SH3BGRL2: variants seen among roughly 807,000 people sequenced by gnomAD.
SH3BGRL2 encodes SH3 domain-binding glutamic acid-rich-like protein 2.
A neutral mutation model predicts 14.8 loss-of-function variants in SH3BGRL2; 21 were observed. The ratio of observed to expected loss-of-function variants is 1.42; its 90% CI spans 1.01 to 2.05. SH3BGRL2 has a LOEUF of 2.05. Among genes scored for constraint, SH3BGRL2 ranks in the 30% most tolerant of loss-of-function variants. SH3BGRL2 has a pLI of 0.00. For synonymous variants in SH3BGRL2, 50 were observed against 47.8 expected, an observed-to-expected ratio of 1.05 and a Z score of -0.19; for missense variants, 147 against 130.8, an observed-to-expected ratio of 1.12 and a Z score of -0.61.
At chr6:79,577,317 C>T in the SH3BGRL2 span, among the ~76,000 whole-genome samples, 2 of 149,726 alleles carry the variant, frequency 1.3e-5, no homozygotes, top group Non-Finnish European at 3.0e-5. Flanking sequence ...AAGTTCTTCT[C>T]CTTTTTTCTC....
At chr6:79,565,626 C>T in the SH3BGRL2 span, among the ~76,000 whole-genome samples, 9 of 152,146 alleles carry the variant, frequency 5.9e-5, no homozygotes, top group South Asian at 1.9e-3. Context: ...TTTTTCTGAG[C>T]ATTGCATTAG....
chr6:79,552,889 G>A, the SH3BGRL2 span: 2 of 152,162 alleles, frequency 1.3e-5, no homozygotes, highest in Non-Finnish European at 2.9e-5. Context: ...TGGTATTCAT[G>A]TTAAGTTAGA....
chr6:79,604,189 T>G, the SH3BGRL2 span, among the ~76,000 whole-genome samples: 1 of 152,280 alleles, frequency 6.6e-6, no homozygotes, highest in Non-Finnish European at 1.5e-5. Flanking sequence ...CTTCACTCAG[T>G]TCTTCTTTGT....
chr6:79,546,945 G>T, the SH3BGRL2 span, among the ~76,000 whole-genome samples: 1 of 152,152 alleles, frequency 6.6e-6, no homozygotes, highest in Non-Finnish European at 1.5e-5. Flanking sequence ...CTCCCAAAGT[G>T]CTGGGACCAC....
chr6:79,559,623 C>G, the SH3BGRL2 span, among the ~76,000 whole-genome samples: 1 of 152,150 alleles, frequency 6.6e-6, no homozygotes, highest in Admixed American at 6.5e-5. Context: ...AAATGCTATA[C>G]AGGACATGAT....
At chr6:79,602,218 G>A in the SH3BGRL2 span, among the ~76,000 whole-genome samples, 22 of 152,178 alleles carry the variant, frequency 1.4e-4, no homozygotes, top group Admixed American at 1.3e-3. Context: ...AAAACGGTCT[G>A]TGCCCTCATA....
At chr6:79,547,661 T>A in the SH3BGRL2 span, among the ~76,000 whole-genome samples, 1 of 152,120 alleles carries the variant, frequency 6.6e-6, no homozygotes, top group African/African-American at 2.4e-5. Flanking sequence ...AGAAATGAGA[T>A]TGAAGTTTTA....
chr6:79,585,766 CTT>C, the SH3BGRL2 span, among the ~76,000 whole-genome samples: 3 of 147,186 alleles, frequency 2.0e-5, no homozygotes, highest in East Asian at 5.9e-4. Flanking sequence ...TACTTTTTTG[CTT>C]TTTTTTTTTC....
the SH3BGRL2 span, among the ~76,000 whole-genome samples, chr6:79,565,223 T>C: frequency 1.3e-5 from 2 of 152,180 alleles, no homozygotes; most frequent in African/African-American, 2.4e-5. Context: ...CTCTTGGGAT[T>C]TGGAAAAGAG....
At chr6:79,613,336 A>G in the SH3BGRL2 span, among the ~76,000 whole-genome samples, 1 of 152,240 alleles carries the variant, frequency 6.6e-6, no homozygotes, top group Non-Finnish European at 1.5e-5. Flanking sequence ...TGTCTGAAAT[A>G]GGAAAGTCAT....
At chr6:79,602,568 C>T in the SH3BGRL2 span, among the ~76,000 whole-genome samples, 1 of 152,024 alleles carries the variant, frequency 6.6e-6, no homozygotes, top group South Asian at 2.1e-4. Flanking sequence ...AAGTAAGAGC[C>T]CACTGAGATA....
the SH3BGRL2 span, among the ~76,000 whole-genome samples, chr6:79,604,841 T>A: frequency 6.6e-6 from 1 of 152,204 alleles, no homozygotes; most frequent in Non-Finnish European, 1.5e-5. Flanking sequence ...TTTGAGCAGA[T>A]GCCATAATAG....
chr6:79,670,141 A>G (rs535027675), intron 1 of SH3BGRL2, among the ~76,000 whole-genome samples: 1 of 152,270 alleles, frequency 6.6e-6, no homozygotes, highest in East Asian at 1.9e-4. Flanking sequence ...TGGTGTTTAT[A>G]TTTCATATAA....
intron 1 of SH3BGRL2, among the ~76,000 whole-genome samples, chr6:79,650,016 C>CAG (rs1562147302): frequency 2.7e-5 from 4 of 149,174 alleles, no homozygotes; most frequent in Non-Finnish European, 1.5e-5. Flanking sequence ...CACACACACA[C>CAG]AGTTACCCTA....
chr6:79,547,571 T>A, the SH3BGRL2 span, among the ~76,000 whole-genome samples: 1 of 152,096 alleles, frequency 6.6e-6, no homozygotes, highest in African/African-American at 2.4e-5. Flanking sequence ...ATCCATTCCC[T>A]CTCCCTCCGC....
the SH3BGRL2 span, among the ~76,000 whole-genome samples, chr6:79,594,995 T>G: frequency 1.3e-5 from 2 of 152,170 alleles, no homozygotes; most frequent in Non-Finnish European, 2.9e-5. Context: ...GTTAAGAATC[T>G]GCTGTTCAGG....
chr6:79,606,439 T>G, the SH3BGRL2 span, among the ~76,000 whole-genome samples: 1 of 152,220 alleles, frequency 6.6e-6, no homozygotes, highest in Admixed American at 6.5e-5. Flanking sequence ...ATGCTTACAT[T>G]AAATTTCTCG....
At chr6:79,648,256 A>G (rs1414888543) in intron 1 of SH3BGRL2, among the ~76,000 whole-genome samples, 7 of 11,468 alleles carry the variant, frequency 6.1e-4, no homozygotes, top group Non-Finnish European at 8.6e-4. Flanking sequence ...TTCTTTTGGC[A>G]TATATATATA....
chr6:79,678,837 T>C (rs892992325), intron 2 of SH3BGRL2, among the ~76,000 whole-genome samples: 1 of 152,190 alleles, frequency 6.6e-6, no homozygotes, highest in African/African-American at 2.4e-5. Context: ...TCCTCAATGT[T>C]CAGCTCCCAT....
Sources: gnomAD v4.1 joint callset for allele counts (sites outside exome capture counted in the v4.1 genomes callset) on GRCh38, gnomAD v4.1.1 for gene constraint, MANE v1.5 for transcripts, NCBI Gene and HGNC (gene_info 2026-07-23, HGNC 2026-07-21) for gene names.